GALNT14: variants seen among roughly 807,000 people sequenced by gnomAD.
GALNT14 encodes the protein polypeptide N-acetylgalactosaminyltransferase 14, also known as UDP-GalNAc:polypeptide N-acetylgalactosaminyltransferase 14.
In GALNT14, 60 loss-of-function variants were observed where a neutral mutation model predicts 77.5. That is an observed-to-expected ratio of 0.77 (90% CI 0.63 to 0.96). The LOEUF is 0.96. GALNT14 is among the 40% of genes least tolerant of loss of function. GALNT14 has a pLI of 0.00. For missense variants in GALNT14, 710 were observed against 731.0 expected (o/e 0.97, Z 0.33); for synonymous variants, 280 against 281.7 (o/e 0.99, Z 0.06).
At chr2:30,924,393 G>A in intron 12 of GALNT14, 130 bp from the exon 13 acceptor site, 1 of 936,734 alleles carries the variant, frequency 1.1e-6, no homozygotes, top group Non-Finnish European at 1.6e-6. Context: ...GCACTGCTCG[G>A]GGAAGGGCAG....
chr2:31,083,589 T>A (rs935178661), intron 1 of GALNT14, among the ~76,000 whole-genome samples: 1 of 152,216 alleles, frequency 6.6e-6, no homozygotes, highest in African/African-American at 2.4e-5. Flanking sequence ...CTCCACCCTA[T>A]GCCCCACTGC....
intron 1 of GALNT14, among the ~76,000 whole-genome samples, chr2:31,035,756 G>C (rs186641974): frequency 7.2e-5 from 11 of 151,816 alleles, no homozygotes; most frequent in African/African-American, 1.7e-4. Flanking sequence ...ACTAACACAG[G>C]AACAGAAAAC....
Position 31,138,337 on chromosome 2 carries a change from C to T in GALNT14, c.-251G>A, listed in dbSNP as rs1679323386. The T allele has an allele frequency of 2.1e-6, 1 of 470,978 alleles. No homozygotes were observed. The highest frequency in any genetic ancestry group is 3.7e-6 in the Non-Finnish European group (1 of 267,914). 29.2% of individuals were successfully genotyped at this position (470,978 alleles called of 1,614,324 possible). On this transcript the variant is annotated 5_prime_UTR_variant, in exon 1 of 15. Coordinates refer to ENST00000349752, the MANE Select transcript of GALNT14 (RefSeq NM_024572.4). ...CGAGGGCAGCCAAGCTGGACGCCCG[C>T]TCCAGCGGGAGAAGCGCGGTGGCTG...
intron 9 of GALNT14, among the ~76,000 whole-genome samples, chr2:30,935,872 GGACCTTCCAGGTACA>G (rs1164395888): frequency 2.0e-5 from 3 of 152,240 alleles, no homozygotes; most frequent in Non-Finnish European, 4.4e-5. Flanking sequence ...GTGAGGTGGT[GGACCTTCCAGGTACA>G]GATTAGGGCC....
chr2:31,096,777 T>C lies in GALNT14; in HGVS notation c.129+41181A>G, dbSNP rs191649121. ...TTTCTGAATACCTTGGAAATGTATA[T>C]ATGAGGAAGATGGTAACCACCAACA... On this transcript the variant is annotated intron_variant, in intron 1 of 14. Transcript: ENST00000349752. 1.9e-3 allele frequency among the ~76,000 whole-genome samples: 288 copies of C among 152,176 alleles called. 4 individuals carry two copies. Among genetic ancestry groups the C allele is most frequent in the African/African-American group, 6.6e-3 (273 of 41,514 alleles).
At chr2:31,009,020 C>CAATG (rs1670852800) in intron 1 of GALNT14, among the ~76,000 whole-genome samples, 2 of 152,308 alleles carry the variant, frequency 1.3e-5, no homozygotes, top group Admixed American at 1.3e-4. Flanking sequence ...TGAACAAAAT[C>CAATG]AATGCCCCGG....
At chr2:31,071,900 C>T (rs910138106) in intron 1 of GALNT14, among the ~76,000 whole-genome samples, 1 of 152,156 alleles carries the variant, frequency 6.6e-6, no homozygotes, top group African/African-American at 2.4e-5. Context: ...CAAGAGCAGG[C>T]CCCCATGCAA....
intron 9 of GALNT14, among the ~76,000 whole-genome samples, chr2:30,933,500 TCCTCCCACGTTTCCTTGGAAAGGCC>T (rs1433439350): frequency 1.3e-5 from 2 of 152,240 alleles, no homozygotes; most frequent in East Asian, 3.9e-4. Context: ...CCTACCTGTC[TCCTCCCACGTTTCCTTGGAAAGGCC>T]CCTGGACTGA....
chr2:31,115,227 G>A (rs573959062), intron 1 of GALNT14, among the ~76,000 whole-genome samples: 32 of 152,022 alleles, frequency 2.1e-4, no homozygotes, highest in Non-Finnish European at 4.1e-4. Context: ...CTCCAGACTG[G>A]GTGACAGAGC....
intron 1 of GALNT14, among the ~76,000 whole-genome samples, chr2:31,002,583 C>A (rs923423710): frequency 2.0e-5 from 3 of 152,230 alleles, no homozygotes; most frequent in African/African-American, 7.2e-5. Context: ...TATCTGCTTA[C>A]CCCTATACCT....
At chr2:31,022,682 A>G (rs948781430) in intron 1 of GALNT14, among the ~76,000 whole-genome samples, 5 of 152,206 alleles carry the variant, frequency 3.3e-5, no homozygotes, top group East Asian at 1.9e-4. Context: ...GAGGGCAAAC[A>G]AGGCCAGGTA....
intron 1 of GALNT14, among the ~76,000 whole-genome samples, chr2:31,020,989 C>G (rs68190529): frequency 6.6e-6 from 1 of 152,100 alleles, no homozygotes; most frequent in Non-Finnish European, 1.5e-5. Flanking sequence ...ATCTCAGCCA[C>G]GCAGCCCCTT....
intron 1 of GALNT14, among the ~76,000 whole-genome samples, chr2:31,033,630 G>C (rs1672543466): frequency 6.6e-6 from 1 of 151,990 alleles, no homozygotes; most frequent in African/African-American, 2.4e-5. Context: ...TGTGAAGCCT[G>C]CCCTGACCCT....
At chr2:30,937,636 C>A (rs956228180) in intron 9 of GALNT14, among the ~76,000 whole-genome samples, 3 of 152,218 alleles carry the variant, frequency 2.0e-5, no homozygotes, top group African/African-American at 7.2e-5. Context: ...TCTGCTACTT[C>A]TCTTCTGCCT....
chr2:30,956,039 T>A (rs1558440153), intron 4 of GALNT14, 62 bp from the exon 5 acceptor site: 2 of 1,536,078 alleles, frequency 1.3e-6, no homozygotes, highest in Non-Finnish European at 1.8e-6. Context: ...GTTACAATTG[T>A]GTGCACTGCA....
At chr2:31,022,939 C>G (rs1379409036) in intron 1 of GALNT14, among the ~76,000 whole-genome samples, 2 of 152,148 alleles carry the variant, frequency 1.3e-5, no homozygotes, top group Non-Finnish European at 2.9e-5. Context: ...TATCCAGGAG[C>G]TCAGCACTGA....
chr2:31,027,886 C>CTCTGTGTGTGTGTGTGTGTGTGTGTG (rs1553361796), intron 1 of GALNT14, among the ~76,000 whole-genome samples: 1 of 141,776 alleles, frequency 7.1e-6, no homozygotes, highest in Non-Finnish European at 1.5e-5. Flanking sequence ...CAGATGTATT[C>CTCTGTGTGTGTGTGTGTGTGTGTGTG]TGTGTGTGTG....
At chr2:31,089,622 C>T (rs532630504) in intron 1 of GALNT14, among the ~76,000 whole-genome samples, 2 of 152,178 alleles carry the variant, frequency 1.3e-5, no homozygotes, top group South Asian at 4.2e-4. Flanking sequence ...TCAATCCTGC[C>T]GTGGACATAC....
At chr2:30,960,423 G>A (rs558299653) in intron 3 of GALNT14, among the ~76,000 whole-genome samples, 32 of 152,174 alleles carry the variant, frequency 2.1e-4, no homozygotes, top group Admixed American at 8.5e-4. Context: ...AATCGCGTGC[G>A]GCTCTGCACT....
Sources: allele counts gnomAD v4.1 joint callset (sites outside exome capture counted in the v4.1 genomes callset), GRCh38; gene constraint gnomAD v4.1.1; transcripts MANE v1.5; gene names NCBI Gene and HGNC (gene_info 2026-07-23, HGNC 2026-07-21).